The following CHN2 variants were observed in gnomAD, a reference collection of about 807,000 sequenced individuals.
CHN2 encodes the protein beta-chimaerin.
CHN2 carries 35 observed loss-of-function variants against 56.3 expected under a neutral mutation model. The ratio of observed to expected loss-of-function variants is 0.62; its 90% confidence interval spans 0.47 to 0.82. CHN2 has a LOEUF of 0.82. CHN2 is among the 40% of genes least tolerant of loss of function. The pLI is 0.00. For missense variants in CHN2, 491 were observed against 580.5 expected (o/e 0.85, Z 1.58); for synonymous variants, 210 against 212.8 (o/e 0.99, Z 0.12).
At chr7:29,354,567 A>T in intron 1 of CHN2, 58 bp from the exon 2 acceptor site, 3 of 1,476,202 alleles carry the variant, frequency 2.0e-6, no homozygotes, top group Non-Finnish European at 2.8e-6. Context: ...GAGAAGACAC[A>T]TGTTGACAGC....
chr7:29,167,880 T>C (rs535466404), intron 2 of CHN2, among the ~76,000 whole-genome samples: 1 of 152,318 alleles, frequency 6.6e-6, no homozygotes, highest in South Asian at 2.1e-4. Context: ...CTGGAGCAAT[T>C]ACTTACTGAT....
chr7:29,416,462 T>G (rs1803752241), intron 6 of CHN2, among the ~76,000 whole-genome samples: 1 of 152,216 alleles, frequency 6.6e-6, no homozygotes, highest in Admixed American at 6.5e-5. Context: ...AGGGCAGCAG[T>G]GTTGAGGCTG....
At chr7:29,364,766 T>G (rs1211411257) in intron 2 of CHN2, among the ~76,000 whole-genome samples, 1 of 152,230 alleles carries the variant, frequency 6.6e-6, no homozygotes, top group Non-Finnish European at 1.5e-5. Context: ...TTCTTTTGAA[T>G]AAGCAATACA....
At chr7:29,365,172 G>A (rs1324277884) in intron 2 of CHN2, among the ~76,000 whole-genome samples, 1 of 152,198 alleles carries the variant, frequency 6.6e-6, no homozygotes, top group African/African-American at 2.4e-5. Context: ...ACCAAGCCTT[G>A]AAAAGATGAT....
intron 1 of CHN2, chr7:29,197,953 G>T (rs1266292774): frequency 2.2e-6 from 1 of 456,334 alleles, no homozygotes; most frequent in South Asian, 1.5e-5. Context: ...TTCAGGAAGA[G>T]AGAAGAGCTT....
chr7:29,392,537 T>C (rs540662154), intron 3 of CHN2, among the ~76,000 whole-genome samples: 16 of 152,330 alleles, frequency 1.1e-4, no homozygotes, highest in African/African-American at 3.6e-4. Flanking sequence ...AACACATATT[T>C]AGAAGTGTCT....
At chr7:29,191,289 A>G (rs934947898), upstream of CHN2, among the ~76,000 whole-genome samples, 3 of 152,244 alleles carry the variant, frequency 2.0e-5, no homozygotes, top group Admixed American at 6.5e-5. Flanking sequence ...AAAATAAGAC[A>G]GAGCATGAGA....
intron 5 of CHN2, among the ~76,000 whole-genome samples, chr7:29,399,191 A>C (rs1189439289): frequency 6.6e-6 from 1 of 152,168 alleles, no homozygotes; most frequent in Non-Finnish European, 1.5e-5. Flanking sequence ...CTGGAAAGTT[A>C]GTGTTTCTAC....
At chr7:29,298,179 C>T (rs185322029) in intron 1 of CHN2, among the ~76,000 whole-genome samples, 27 of 152,316 alleles carry the variant, frequency 1.8e-4, no homozygotes, top group African/African-American at 6.0e-4. Flanking sequence ...TGGAGTTCCC[C>T]AGACCTCATT....
At chr7:29,293,078 G>A (rs1039820780) in intron 1 of CHN2, 1 of 451,074 alleles carries the variant, frequency 2.2e-6, no homozygotes, top group Non-Finnish European at 4.5e-6. Context: ...TGCAAAGACA[G>A]AGCTGTCAGG....
At chr7:29,469,489 G>A (rs188083997) in intron 6 of CHN2, among the ~76,000 whole-genome samples, 1 of 152,288 alleles carries the variant, frequency 6.6e-6, no homozygotes, top group Non-Finnish European at 1.5e-5. Context: ...TCACCTTCTA[G>A]CACCTACCAC....
chr7:29,277,814 A>G (rs765994234), intron 1 of CHN2, among the ~76,000 whole-genome samples: 1 of 151,874 alleles, frequency 6.6e-6, no homozygotes, highest in Non-Finnish European at 1.5e-5. Context: ...TCTCAGCCCA[A>G]CTCTCCGCCA....
At chr7:29,274,773 G>C (rs1359393170) in intron 1 of CHN2, among the ~76,000 whole-genome samples, 1 of 152,212 alleles carries the variant, frequency 6.6e-6, no homozygotes, top group Non-Finnish European at 1.5e-5. Context: ...AATGTGGCTA[G>C]AAAAATATTC....
intron 1 of CHN2, among the ~76,000 whole-genome samples, chr7:29,274,072 G>A (rs1790978189): frequency 6.6e-6 from 1 of 152,140 alleles, no homozygotes; most frequent in African/African-American, 2.4e-5. Flanking sequence ...AGCAGAAAAT[G>A]GGCATGGTGT....
chr7:29,407,696 G>A (rs934978399), intron 6 of CHN2, among the ~76,000 whole-genome samples: 4 of 152,328 alleles, frequency 2.6e-5, no homozygotes, highest in African/African-American at 9.6e-5. Flanking sequence ...GTCATAAAAT[G>A]GGGTGGGATA....
chr7:29,406,304 C>A (rs563602199), intron 6 of CHN2, among the ~76,000 whole-genome samples: 1 of 152,088 alleles, frequency 6.6e-6, no homozygotes, highest in East Asian at 1.9e-4. Context: ...GGTATATGCA[C>A]GTTGTGGAGC....
chr7:29,375,675 C>T (rs1489101978), intron 3 of CHN2, among the ~76,000 whole-genome samples: 1 of 152,206 alleles, frequency 6.6e-6, no homozygotes, highest in Non-Finnish European at 1.5e-5. Flanking sequence ...TCCCATTACT[C>T]ATTGATCTCA....
chr7:29,481,881 TA>T (rs1787291484), intron 7 of CHN2, among the ~76,000 whole-genome samples: 1 of 152,190 alleles, frequency 6.6e-6, no homozygotes, highest in African/African-American at 2.4e-5. Flanking sequence ...AATTATGCCA[TA>T]CTATAATATG....
At chr7:29,458,913 G>A (rs1006435177) in intron 6 of CHN2, among the ~76,000 whole-genome samples, 7 of 152,272 alleles carry the variant, frequency 4.6e-5, no homozygotes, top group African/African-American at 1.7e-4. Context: ...TGGAATATCA[G>A]AATTCAGGAG....
Sources: gnomAD v4.1 joint callset for allele counts (sites outside exome capture counted in the v4.1 genomes callset) on GRCh38, gnomAD v4.1.1 for gene constraint, MANE v1.5 for transcripts, NCBI Gene and HGNC (gene_info 2026-07-23, HGNC 2026-07-21) for gene names.